Variants in JAKMIP1 observed in about 807,000 individuals in gnomAD.
JAKMIP1 encodes the protein janus kinase and microtubule interacting protein 1.
A neutral mutation model predicts 113.0 loss-of-function variants in JAKMIP1; 33 were observed. The ratio of observed to expected loss-of-function variants is 0.29; its 90% CI spans 0.22 to 0.39. JAKMIP1 has a LOEUF of 0.39. Ranked by LOEUF, JAKMIP1 falls within the 10% of genes least tolerant of loss-of-function variation. The probability of loss-of-function intolerance (pLI) is 1.00; values close to 1 mark genes in which losing one functional copy is unlikely to be tolerated. For missense variants in JAKMIP1, 813 were observed against 1,080.5 expected (o/e 0.75, Z 3.47); for synonymous variants, 480 against 459.9 (o/e 1.04, Z -0.56).
chr4:6,128,165 G>A (rs1302456694), intron 1 of JAKMIP1, among the ~76,000 whole-genome samples: 1 of 152,226 alleles, frequency 6.6e-6, no homozygotes, highest in Admixed American at 6.5e-5. Context: ...AAGGGCTTTA[G>A]AGCCAGACGG....
intron 3 of JAKMIP1, among the ~76,000 whole-genome samples, chr4:6,087,743 A>G (rs1317720968): frequency 6.6e-6 from 1 of 152,146 alleles, no homozygotes; most frequent in African/African-American, 2.4e-5. Context: ...GCTAGGTACT[A>G]ATTTGTACTT....
rs1727669863 is a variant in JAKMIP1 at position 6,194,784 on chromosome 4, A to C, written c.-148+5469T>G. ...AGTGGCCCTTCAGCCAGTCTAAGCC[A>C]CGGTGGGAGACAGGAGAGCAGGCAG... On this transcript the variant is annotated intron_variant, in intron 1 of 20. Coordinates refer to ENST00000409021, the MANE Select transcript of JAKMIP1 (RefSeq NM_001099433.2). The surrounding 1 kb of genome is among the most constrained non-coding windows in gnomAD (Gnocchi z 7.4). Among the ~76,000 whole-genome samples, 1 of 152,146 alleles carries C rather than the reference A, an allele frequency of 6.6e-6. No individual in the cohort carries two copies. The highest frequency in any genetic ancestry group is 2.4e-5 in the African/African-American group (1 of 41,446).
rs1412116785 is a variant in JAKMIP1, at chr4:6,067,189, C to T, written c.1303-2181G>A. Among the ~76,000 whole-genome samples the T allele has an allele frequency of 6.6e-6, 1 of 152,186 alleles. No individual in the cohort carries two copies. The highest frequency in any genetic ancestry group is 1.5e-5 in the Non-Finnish European group (1 of 68,038). On this transcript the variant is annotated intron_variant, in intron 8 of 20. Coordinates refer to ENST00000409021, the MANE Select transcript of JAKMIP1 (RefSeq NM_001099433.2). The surrounding 1 kb of genome is among the most constrained non-coding windows in gnomAD (Gnocchi z 4.6). ...CCCCTACCCCTTGAAATGGAAGCTC[C>T]ATGAAGACAGGGGGTTGGCCCTTTT...
intron 1 of JAKMIP1, among the ~76,000 whole-genome samples, chr4:6,144,712 T>G (rs1720608898): frequency 1.3e-5 from 2 of 152,178 alleles, no homozygotes; most frequent in South Asian, 4.1e-4. Context: ...CAGCTAAGAA[T>G]GAACAGAAGG....
At chr4:6,146,178 G>A (rs1049402043) in intron 1 of JAKMIP1, among the ~76,000 whole-genome samples, 10 of 147,360 alleles carry the variant, frequency 6.8e-5, no homozygotes, top group South Asian at 2.2e-4. Context: ...CAAAAATAAC[G>A]GAGAAGTCAA....
rs765060751 is a variant in JAKMIP1 at position 6,138,864 on chromosome 4, C to T, written c.-147-25867G>A. On this transcript the variant is annotated intron_variant, in intron 1 of 20. Coordinates refer to ENST00000409021, the MANE Select transcript of JAKMIP1 (RefSeq NM_001099433.2). This position sits in a 1 kb window ranked among gnomAD's most constrained non-coding sequence, Gnocchi z 6.0. ...GTACCTGCCCCGGCAAAAGCGAATG[C>T]GCACAGAGCACTTTCAACAGAGCAA... Among the ~76,000 whole-genome samples the T allele has an allele frequency of 3.3e-5, 5 of 152,112 alleles. No individual in the cohort carries two copies. The highest frequency in any genetic ancestry group is 7.3e-5 in the Non-Finnish European group (5 of 68,044).
At chr4:6,068,287 C>T (rs996686845) in intron 8 of JAKMIP1, among the ~76,000 whole-genome samples, 2 of 152,190 alleles carry the variant, frequency 1.3e-5, no homozygotes, top group Non-Finnish European at 2.9e-5. Flanking sequence ...TAGCAAACAG[C>T]CTAACTCCAG....
rs374262568 is a variant in JAKMIP1, at chr4:6,064,733, T to C, written c.1431+147A>G. ...TGGGGCCCGCCTTCCCTTCACACCA[T>C]TGGCTTTGATAATGCACTGGTAGGA... On this transcript the variant is annotated intron_variant, in intron 9 of 20. Transcript: ENST00000409021. The surrounding 1 kb of genome is among the most constrained non-coding windows in gnomAD (Gnocchi z 4.3). 64 of 1,003,480 alleles carry C rather than the reference T, an allele frequency of 6.4e-5. 2 individuals carry two copies. In the African/African-American group the frequency reaches 9.1e-4, roughly 14 times the overall value. The allele number at this position is 1,003,480 out of a possible 1,614,324, so 62.2% of individuals were successfully genotyped here.
chr4:6,151,926 C>A (rs778230153), intron 1 of JAKMIP1, among the ~76,000 whole-genome samples: 19 of 152,154 alleles, frequency 1.2e-4, no homozygotes, highest in Non-Finnish European at 2.6e-4. Context: ...TGACATTGAC[C>A]TTCCCTGAAC....
At chr4:6,112,634 C>T (rs914283257) in intron 2 of JAKMIP1, 88 bp downstream of exon 2, 2 of 1,498,114 alleles carry the variant, frequency 1.3e-6, no homozygotes, top group Non-Finnish European at 1.8e-6. Context: ...CCTCCTGGAA[C>T]AGGCTCTTCA....
Position 6,064,845 on chromosome 4 carries a change from G to C in JAKMIP1, c.1431+35C>G, listed in dbSNP as rs747742808. Reference sequence around the variant, plus strand: ...GGAGGTGCCGCCCCGAGAGCATCTGGGGTGAGGTCCCGCCCTCTCTGCAGG... The same window carrying C: ...GGAGGTGCCGCCCCGAGAGCATCTGCGGTGAGGTCCCGCCCTCTCTGCAGG... On this transcript the variant is annotated intron_variant, in intron 9 of 20. Coordinates refer to ENST00000409021, the MANE Select transcript of JAKMIP1 (RefSeq NM_001099433.2). The surrounding 1 kb of genome is among the most constrained non-coding windows in gnomAD (Gnocchi z 4.3). 5.0e-6 allele frequency: 8 copies of C among 1,612,676 alleles called. No individual in the cohort carries two copies. The highest frequency in any genetic ancestry group is 6.8e-6 in the Non-Finnish European group (8 of 1,179,590).
chr4:6,053,415 G>A (rs558966273), intron 13 of JAKMIP1, among the ~76,000 whole-genome samples: 1 of 152,296 alleles, frequency 6.6e-6, no homozygotes, highest in Non-Finnish European at 1.5e-5. Context: ...CAATGCCTGG[G>A]TCTGTATTTA....
rs1727414657 is a variant in JAKMIP1 at position 6,192,791 on chromosome 4, T to G, written c.-148+7462A>C. Among the ~76,000 whole-genome samples the G allele has an allele frequency of 6.6e-6, 1 of 152,122 alleles. No individual in the cohort carries two copies. The highest frequency in any genetic ancestry group is 2.1e-4 in the South Asian group (1 of 4,816). On this transcript the variant is annotated intron_variant, in intron 1 of 20. Coordinates refer to ENST00000409021, the MANE Select transcript of JAKMIP1 (RefSeq NM_001099433.2). This position sits in a 1 kb window ranked among gnomAD's most constrained non-coding sequence, Gnocchi z 5.0. The stretch of plus-strand genomic sequence containing the variant: ...ATAAAATCATTTCAGATCATGATGA[T>G]TCTCAAAAGCAAACAGGGTACTGAT...
chr4:6,036,451 C>T (rs1713452621), intron 18 of JAKMIP1, among the ~76,000 whole-genome samples: 1 of 152,188 alleles, frequency 6.6e-6, no homozygotes, highest in Non-Finnish European at 1.5e-5. Flanking sequence ...CCTTGGTTTC[C>T]AATTGGCTCT....
In JAKMIP1 at chr4:6,066,519, T is replaced by C. The variant is rs569906049; in HGVS notation, c.1303-1511A>G. Among the ~76,000 whole-genome samples, 4 of 152,202 alleles carry C rather than the reference T, an allele frequency of 2.6e-5. No individual in the cohort carries two copies. The South Asian group carries it at 8.3e-4, about 32-fold the overall frequency. Reference sequence around the variant, plus strand: ...AGACTCATACGTCAGCTGCGTCCTTTATGGCATTGTGGAATCCTAGCGGGC... The same window carrying C: ...AGACTCATACGTCAGCTGCGTCCTTCATGGCATTGTGGAATCCTAGCGGGC... On this transcript the variant is annotated intron_variant, in intron 8 of 20. Coordinates refer to ENST00000409021, the MANE Select transcript of JAKMIP1 (RefSeq NM_001099433.2).
At position 6,049,422 on chromosome 4, in the gene JAKMIP1, C is replaced by T. The variant is rs139533792; in HGVS notation, c.1962+397G>A. ...TAATGGGGCCAGCGCCTCAGGCAGA[C>T]AGCTCCTGTCCCTCTGGTTGGGGAC... On this transcript the variant is annotated intron_variant, in intron 15 of 20. Coordinates refer to ENST00000409021, the MANE Select transcript of JAKMIP1 (RefSeq NM_001099433.2). The surrounding 1 kb of genome is among the most constrained non-coding windows in gnomAD (Gnocchi z 7.0). 1.3e-5 allele frequency among the ~76,000 whole-genome samples: 2 copies of T among 152,344 alleles called. No homozygotes were observed. The highest frequency in any genetic ancestry group is 4.8e-5 in the African/African-American group (2 of 41,576).
rs746019626 is a variant in JAKMIP1, at chr4:6,056,694, C to T, written c.1707+3G>A. On this transcript the variant is annotated splice_donor_region_variant and intron_variant, in intron 12 of 20. Transcript: ENST00000409021. ...TGTGCTTCCCTGAGGTGGGGTCACGCACCTTTTCCAGCAAGTCTTGGTTTG... is the reference window on the plus strand; with the variant it reads ...TGTGCTTCCCTGAGGTGGGGTCACGTACCTTTTCCAGCAAGTCTTGGTTTG... 1.6e-5 allele frequency: 26 copies of T among 1,612,386 alleles called. No homozygotes were observed. Among genetic ancestry groups the T allele is most frequent in the Non-Finnish European group, 5.1e-6 (6 of 1,178,784 alleles).
chr4:6,171,252 C>A (rs550118279), intron 1 of JAKMIP1, among the ~76,000 whole-genome samples: 4 of 151,390 alleles, frequency 2.6e-5, no homozygotes, highest in Admixed American at 6.6e-5. Context: ...CCACCATCAC[C>A]ATCACACCTA....
chr4:6,090,897 T>C (rs112854178), intron 3 of JAKMIP1, among the ~76,000 whole-genome samples: 78 of 148,406 alleles, frequency 5.3e-4, no homozygotes, highest in African/African-American at 1.8e-3. Context: ...GACCATGACG[T>C]CCTTAGAGTG....
Sources: allele counts gnomAD v4.1 joint callset (sites outside exome capture counted in the v4.1 genomes callset), GRCh38; gene constraint gnomAD v4.1.1; non-coding constraint Gnocchi (gnomAD v3.1); transcripts MANE v1.5; gene names NCBI Gene and HGNC (gene_info 2026-07-23, HGNC 2026-07-21).